The following COL4A1 variants were observed in gnomAD, a reference collection of about 807,000 sequenced individuals.
COL4A1 encodes the protein collagen alpha-1(IV) chain.
COL4A1 carries 40 observed loss-of-function variants against 216.6 expected under a neutral mutation model. The observed-to-expected ratio is 0.18, with a 90% CI of 0.14 to 0.24. The LOEUF (loss-of-function observed/expected upper bound fraction) is 0.24, where lower values mean the gene tolerates loss of function less well. Among genes scored for constraint, COL4A1 ranks in the 10% least tolerant of loss-of-function variants. The pLI, the probability that COL4A1 is intolerant of heterozygous loss-of-function variation, is 1.00. For missense variants in COL4A1, 1,628 were observed against 2,196.8 expected (o/e 0.74, Z 5.18); for synonymous variants, 839 against 810.7 (o/e 1.03, Z -0.59).
At chr13:110,157,670 G>A (rs1227589212) in intron 49 of COL4A1, among the ~76,000 whole-genome samples, 2 of 152,188 alleles carry the variant, frequency 1.3e-5, no homozygotes, top group Non-Finnish European at 2.9e-5. Context: ...AAAGTCCTGG[G>A]ACATTTCAGG....
intron 18 of COL4A1, among the ~76,000 whole-genome samples, chr13:110,202,398 A>C (rs1277600477): frequency 6.6e-6 from 1 of 152,218 alleles, no homozygotes; most frequent in Non-Finnish European, 1.5e-5. Flanking sequence ...CCTTTGAACT[A>C]TAATTCCTTT....
chr13:110,230,071 G>A (rs1401191915), intron 2 of COL4A1, among the ~76,000 whole-genome samples: 1 of 152,100 alleles, frequency 6.6e-6, no homozygotes, highest in Non-Finnish European at 1.5e-5. Flanking sequence ...GGAAAAAGGA[G>A]CAGAACCAAG....
intron 1 of COL4A1, among the ~76,000 whole-genome samples, chr13:110,252,198 AT>A (rs1407624186): frequency 2.0e-5 from 3 of 151,656 alleles, no homozygotes; most frequent in South Asian, 4.2e-4. Context: ...TGATTTTTCT[AT>A]TTTTAGTAGA....
At chr13:110,303,862 T>C (rs1028734747) in intron 1 of COL4A1, among the ~76,000 whole-genome samples, 1 of 152,138 alleles carries the variant, frequency 6.6e-6, no homozygotes, top group Admixed American at 6.5e-5. Context: ...GTGTTCCCGA[T>C]GTGTGTGTGG....
chr13:110,209,815 G>A (rs779619316), intron 10 of COL4A1, 165 bp downstream of exon 10: 19 of 865,496 alleles, frequency 2.2e-5, no homozygotes, highest in Admixed American at 8.5e-5. Context: ...TATGGGTACC[G>A]GGATGCCAGC....
chr13:110,224,426 G>A (rs1026040991), intron 2 of COL4A1, among the ~76,000 whole-genome samples: 2 of 152,170 alleles, frequency 1.3e-5, no homozygotes, highest in Non-Finnish European at 2.9e-5. Flanking sequence ...AGGTTCAAGC[G>A]ATTCTTGCGC....
At chr13:110,247,555 G>C (rs1027455589) in intron 1 of COL4A1, among the ~76,000 whole-genome samples, 1 of 152,072 alleles carries the variant, frequency 6.6e-6, no homozygotes, top group Admixed American at 6.5e-5. Context: ...AATACACAAA[G>C]ATTTTACAAT....
chr13:110,178,274 A>C, intron 31 of COL4A1, 43 bp from the exon 32 acceptor site: 1 of 1,611,140 alleles, frequency 6.2e-7, no homozygotes, highest in Non-Finnish European at 8.5e-7. Flanking sequence ...CAGAATTTAC[A>C]GAATGATCTA....
chr13:110,220,531 A>G (rs1880423729), intron 2 of COL4A1, among the ~76,000 whole-genome samples: 1 of 152,222 alleles, frequency 6.6e-6, no homozygotes, highest in African/African-American at 2.4e-5. Context: ...CAAAGTTTTT[A>G]TCTTTTGAAT....
At chr13:110,190,191 C>G (rs752239305) in intron 24 of COL4A1, among the ~76,000 whole-genome samples, 13 of 151,656 alleles carry the variant, frequency 8.6e-5, no homozygotes, top group Non-Finnish European at 1.3e-4. Context: ...CATTGGTGAC[C>G]CTAGGACATC....
intron 1 of COL4A1, among the ~76,000 whole-genome samples, chr13:110,303,694 T>C (rs888082266): frequency 6.6e-6 from 1 of 152,248 alleles, no homozygotes; most frequent in Non-Finnish European, 1.5e-5. Context: ...TCAGTGTTCC[T>C]ATAGCCCTTC....
rs146091004 is a variant in COL4A1, at chr13:110,186,444, G to A, written c.1838C>T (p.Pro613Leu). 3.7e-6 allele frequency: 6 copies of A among 1,613,634 alleles called. No individual in the cohort carries two copies. In the African/African-American group the frequency reaches 5.3e-5, roughly 14 times the overall value. ...PGPPGYGPAG[P>L]IGDKGQAGFP... ...GCCTGCTTGTCCTTTGTCACCAATG[G>A]GACCAGCAGGACCATATCCTGGAGG... The change falls in exon 26 of 52, where the codon CCC becomes CTC. Residue 613 changes from proline to leucine, a missense_variant. By Grantham distance (98) the Pro-to-Leu change is moderately conservative (BLOSUM62 -3). Transcript: ENST00000375820.
intron 22 of COL4A1, among the ~76,000 whole-genome samples, chr13:110,194,469 GAAGAGATAAAT>G (rs1417523636): frequency 3.3e-5 from 5 of 152,156 alleles, no homozygotes; most frequent in Non-Finnish European, 5.9e-5. Context: ...TAGGATGGCG[GAAGAGATAAAT>G]AAGTGTCCTG....
At chr13:110,246,014 T>C (rs1487131927) in intron 1 of COL4A1, among the ~76,000 whole-genome samples, 1 of 152,022 alleles carries the variant, frequency 6.6e-6, no homozygotes, top group Non-Finnish European at 1.5e-5. Flanking sequence ...AATTTGATTA[T>C]CAATTCTAAA....
At chr13:110,164,112 T>C (rs111397878) in intron 46 of COL4A1, among the ~76,000 whole-genome samples, 2,346 of 149,800 alleles carry the variant, frequency 0.016, 51 homozygotes, top group East Asian at 0.08. Flanking sequence ...CCTCAGCCTC[T>C]CGAGTAGCTG....
chr13:110,215,253 G>A (rs2139208804), intron 2 of COL4A1, among the ~76,000 whole-genome samples: 1 of 146,486 alleles, frequency 6.8e-6, no homozygotes, highest in African/African-American at 2.6e-5. Flanking sequence ...AATGAGAAAT[G>A]TCTTTCAAGA....
chr13:110,264,106 C>G (rs1882933238), intron 1 of COL4A1, among the ~76,000 whole-genome samples: 1 of 152,150 alleles, frequency 6.6e-6, no homozygotes, highest in African/African-American at 2.4e-5. Context: ...CAGACTGCGT[C>G]CCCAACCCCT....
In COL4A1 at chr13:110,211,355, A is replaced by G. The variant is rs1879787374; in HGVS notation, c.468+292T>C. On this transcript the variant is annotated intron_variant, in intron 8 of 51. Coordinates refer to ENST00000375820, the MANE Select transcript of COL4A1 (RefSeq NM_001845.6). The surrounding 1 kb of genome is among the most constrained non-coding windows in gnomAD (Gnocchi z 4.3). Reference sequence around the variant, plus strand: ...GTCTGAGAGGCACCCAGGGAGCCCCATTCTCCCATCTGCCTCCCCAGTTTG... The same window carrying G: ...GTCTGAGAGGCACCCAGGGAGCCCCGTTCTCCCATCTGCCTCCCCAGTTTG... 6.6e-6 allele frequency among the ~76,000 whole-genome samples: 1 copy of G among 152,142 alleles called. No homozygotes were observed. Among genetic ancestry groups the G allele is most frequent in the Non-Finnish European group, 1.5e-5 (1 of 67,998 alleles).
chr13:110,177,657 C>T (rs769002217), intron 33 of COL4A1, among the ~76,000 whole-genome samples, 185 bp downstream of exon 33: 2 of 152,042 alleles, frequency 1.3e-5, no homozygotes, highest in East Asian at 1.9e-4. Context: ...CAGTTTCAAC[C>T]CCATGTGCAT....
Sources: allele counts gnomAD v4.1 joint callset (sites outside exome capture counted in the v4.1 genomes callset), GRCh38; gene constraint gnomAD v4.1.1; non-coding constraint Gnocchi (gnomAD v3.1); transcripts MANE v1.5; gene names NCBI Gene and HGNC (gene_info 2026-07-23, HGNC 2026-07-21).